CCDC40: variants seen among roughly 807,000 people sequenced by gnomAD.
CCDC40 encodes the protein coiled-coil domain 40 molecular ruler complex subunit.
In CCDC40, 104 loss-of-function variants were observed where a neutral mutation model predicts 124.5. The observed-to-expected ratio is 0.84, with a 90% CI of 0.71 to 0.98. CCDC40 has a LOEUF of 0.98. CCDC40 is among the 50% of genes least tolerant of loss of function. The pLI, the probability that CCDC40 is intolerant of heterozygous loss-of-function variation, is 0.00. For missense variants in CCDC40, 1,463 were observed against 1,503.9 expected (o/e 0.97, Z 0.45); for synonymous variants, 580 against 602.9 (o/e 0.96, Z 0.56).
chr17:80,062,959 C>T (rs1225852490), intron 9 of CCDC40, among the ~76,000 whole-genome samples: 5 of 152,016 alleles, frequency 3.3e-5, no homozygotes, highest in Non-Finnish European at 4.4e-5. Flanking sequence ...TTTGTGAGAC[C>T]GAGGTCGGCA....
At position 80,058,709 on chromosome 17, in the gene CCDC40, G is replaced by A. The variant is rs2037816642; in HGVS notation, c.1317+58G>A. 1 of 1,609,116 alleles carries A rather than the reference G, an allele frequency of 6.2e-7. No individual in the cohort carries two copies. ...CACCAGACCGTGGAGCTTCAAAAAG[G>A]GGCTCAGCTTTGCCTCCTGCGTGAA... is the stretch of plus-strand genomic sequence containing the variant. On this transcript the variant is annotated intron_variant, in intron 8 of 19. Transcript: ENST00000397545. This position sits in a 1 kb window ranked among gnomAD's most constrained non-coding sequence, Gnocchi z 4.2.
In CCDC40 at chr17:80,048,588, C is replaced by T. The variant is rs878855043; in HGVS notation, c.682C>T (p.Pro228Ser). Residue 228 changes from proline (P) to serine (S), a missense_variant, in exon 5 of 20, where the codon CCC becomes TCC. Coordinates refer to ENST00000397545, the MANE Select transcript of CCDC40 (RefSeq NM_017950.4). ...EEFVSQEPVIPPGVPDAHPRE... is the reference protein window; with the variant it reads ...EEFVSQEPVISPGVPDAHPRE... The stretch of plus-strand genomic sequence containing the variant: ...GTCGCTGTCTCTCCCCCCAGTGATC[C>T]CCCCAGGGGTGCCCGATGCCCACCC... 11 of 1,612,766 alleles carry T rather than the reference C, an allele frequency of 6.8e-6. No individual in the cohort carries two copies. Among genetic ancestry groups the T allele is most frequent in the Non-Finnish European group, 9.3e-6 (11 of 1,179,144 alleles).
At chr17:80,050,632 C>T (rs939573958) in intron 7 of CCDC40, among the ~76,000 whole-genome samples, 65 of 152,222 alleles carry the variant, frequency 4.3e-4, no homozygotes, top group Admixed American at 3.7e-3. Context: ...TTAGTAGAGA[C>T]GGGGTTTCAC....
At chr17:80,095,830 T>C (rs949340588) in intron 18 of CCDC40, among the ~76,000 whole-genome samples, 10 of 152,158 alleles carry the variant, frequency 6.6e-5, no homozygotes, top group Admixed American at 4.6e-4. Flanking sequence ...GGAGGTGGCA[T>C]TGGGAAGGCA....
At chr17:80,053,291 G>A (rs1047641017) in intron 7 of CCDC40, among the ~76,000 whole-genome samples, 1 of 152,208 alleles carries the variant, frequency 6.6e-6, no homozygotes, top group Non-Finnish European at 1.5e-5. Flanking sequence ...AGGCTTCCAG[G>A]CGGGAAAACC....
intron 10 of CCDC40, among the ~76,000 whole-genome samples, chr17:80,080,728 A>T (rs1598531826): frequency 6.6e-6 from 1 of 152,282 alleles, no homozygotes; most frequent in South Asian, 2.1e-4. Context: ...ACAGTACAAA[A>T]GAGTTGTCAA....
chr17:80,059,704 C>T (rs1337457612), intron 9 of CCDC40, among the ~76,000 whole-genome samples: 5 of 152,044 alleles, frequency 3.3e-5, no homozygotes, highest in South Asian at 4.2e-4. Context: ...GGACTACAGG[C>T]GCCCACCTCC....
intron 10 of CCDC40, chr17:80,081,299 C>T (rs374347159): frequency 2.0e-5 from 5 of 254,372 alleles, no homozygotes; most frequent in Admixed American, 5.0e-5. Flanking sequence ...GCATGAGACT[C>T]GCTTGAACCC....
At chr17:80,064,234 C>T (rs55959152) in intron 9 of CCDC40, among the ~76,000 whole-genome samples, 8 of 152,256 alleles carry the variant, frequency 5.3e-5, no homozygotes, top group South Asian at 2.1e-4. Flanking sequence ...GCGCTGCCCT[C>T]GGCTCCCCCG....
At chr17:80,055,990 A>T in intron 7 of CCDC40, among the ~76,000 whole-genome samples, 1 of 10,352 alleles carries the variant, frequency 9.7e-5, no homozygotes, top group Non-Finnish European at 2.1e-4. Context: ...TCATATATAT[A>T]TATATATATA....
chr17:80,037,793 C>T (rs1027705797), intron 1 of CCDC40, among the ~76,000 whole-genome samples: 3 of 148,972 alleles, frequency 2.0e-5, no homozygotes, highest in Non-Finnish European at 4.4e-5. Flanking sequence ...ACTTTCTCTA[C>T]GTTGTATTTC....
At chr17:80,072,800 C>G (rs1386860828) in intron 10 of CCDC40, among the ~76,000 whole-genome samples, 4 of 152,138 alleles carry the variant, frequency 2.6e-5, no homozygotes, top group Non-Finnish European at 5.9e-5. Context: ...ACGGATACAT[C>G]AGATGTATTT....
At chr17:80,057,801 TG>T (rs1169470657) in intron 7 of CCDC40, among the ~76,000 whole-genome samples, 1 of 150,084 alleles carries the variant, frequency 6.7e-6, no homozygotes, top group Admixed American at 6.6e-5. Context: ...GCGTGAACCC[TG>T]GGGGCGGAGC....
chr17:80,089,573 G>T, intron 16 of CCDC40, 191 bp from the exon 17 acceptor site: 1 of 422,112 alleles, frequency 2.4e-6, no homozygotes, highest in Non-Finnish European at 4.4e-6. Context: ...CTGTATGCCA[G>T]AGGTTGGCAA....
At position 80,067,244 on chromosome 17, in the gene CCDC40, G is replaced by T. The variant is rs2038068527; in HGVS notation, c.1562+1638G>T. On this transcript the variant is annotated intron_variant, in intron 10 of 19. Transcript: ENST00000397545. ...GTCCTCTCTGCAAACCGTCCTCATT[G>T]CCCTCAGAGACATGGCTTCCTTTTG... is the stretch of plus-strand genomic sequence containing the variant. The T allele has an allele frequency of 7.0e-6, 3 of 429,974 alleles. No individual in the cohort carries two copies. In the East Asian group the frequency reaches 1.3e-4, roughly 18 times the overall value. 26.6% of individuals were successfully genotyped at this position (429,974 alleles called of 1,614,324 possible). A position where few individuals can be genotyped will look rare whatever the true frequency, so the allele number is the denominator to read the frequency against.
chr17:80,037,688 A>AATATATATATATATATAT, intron 1 of CCDC40, among the ~76,000 whole-genome samples: 13 of 45,676 alleles, frequency 2.8e-4, no homozygotes, highest in Non-Finnish European at 4.3e-4. Flanking sequence ...TTTTTTAAAA[A>AATATATATATATATATAT]AGATATACAT....
intron 17 of CCDC40, among the ~76,000 whole-genome samples, chr17:80,093,169 C>T (rs932875873): frequency 1.3e-5 from 2 of 152,162 alleles, no homozygotes; most frequent in Admixed American, 1.3e-4. Flanking sequence ...TCTATACTTA[C>T]GAAATTCCTC....
At position 80,099,647 on chromosome 17, in the gene CCDC40, G is replaced by A. The variant is rs954611624; in HGVS notation, c.3301G>A (p.Asp1101Asn). ...QSLVLERQRL[D>N]KRLALIATIL... ...CCTAGTGCTGGAGCGCCAGCGCCTG[G>A]ACAAGCGACTGGCTCTCATCGCCAC... is the stretch of plus-strand genomic sequence containing the variant. The change falls in exon 20 of 20, where the codon GAC becomes AAC. Residue 1101 changes from aspartate (D) to asparagine (N), a missense_variant. Coordinates refer to ENST00000397545, the MANE Select transcript of CCDC40 (RefSeq NM_017950.4). 6.2e-6 allele frequency: 10 copies of A among 1,613,830 alleles called. No individual in the cohort carries two copies. The highest frequency in any genetic ancestry group is 5.3e-5 in the African/African-American group (4 of 74,932).
At chr17:80,078,127 T>G (rs71389730) in intron 10 of CCDC40, among the ~76,000 whole-genome samples, 135 of 151,886 alleles carry the variant, frequency 8.9e-4, no homozygotes, top group Non-Finnish European at 1.6e-3. Flanking sequence ...GTCAGGAGAT[T>G]GAGACCATCC....
Sources: allele counts gnomAD v4.1 joint callset (sites outside exome capture counted in the v4.1 genomes callset), GRCh38; gene constraint gnomAD v4.1.1; non-coding constraint Gnocchi (gnomAD v3.1); transcripts MANE v1.5; gene names NCBI Gene and HGNC (gene_info 2026-07-23, HGNC 2026-07-21).